Variants in NEK10 observed in about 807,000 individuals in gnomAD.
NEK10 encodes serine/threonine-protein kinase Nek10.
Under a neutral mutation model 159.8 loss-of-function variants are expected in NEK10, and 122 were observed. The ratio of observed to expected loss-of-function variants is 0.76; its 90% CI spans 0.66 to 0.89. The LOEUF (loss-of-function observed/expected upper bound fraction) is 0.89, where lower values mean the gene tolerates loss of function less well. Among genes scored for constraint, NEK10 ranks in the 40% least tolerant of loss-of-function variants. The pLI, the probability that NEK10 is intolerant of heterozygous loss-of-function variation, is 0.00. For missense variants in NEK10, 1,342 were observed against 1,323.1 expected, an observed-to-expected ratio of 1.01 and a Z score of -0.22; for synonymous variants, 466 against 457.1, an observed-to-expected ratio of 1.02 and a Z score of -0.25.
chr3:27,201,259 A>C (rs1049372186), intron 25 of NEK10, among the ~76,000 whole-genome samples: 4 of 152,200 alleles, frequency 2.6e-5, no homozygotes, highest in Admixed American at 1.3e-4. Flanking sequence ...AATGTGTTTT[A>C]CAGGTTGTTA....
intron 22 of NEK10, among the ~76,000 whole-genome samples, chr3:27,269,275 T>C (rs965908132): frequency 2.6e-5 from 4 of 152,214 alleles, no homozygotes; most frequent in African/African-American, 7.2e-5. Context: ...GACTCCAATT[T>C]TGAAAGAAGC....
chr3:27,345,093 T>G (rs1487626071), intron 4 of NEK10, among the ~76,000 whole-genome samples: 3 of 152,224 alleles, frequency 2.0e-5, no homozygotes, highest in Non-Finnish European at 4.4e-5. Flanking sequence ...TACAATATTT[T>G]TGTGCATAAT....
At chr3:27,120,950 G>T (rs1941221222) in intron 32 of NEK10, among the ~76,000 whole-genome samples, 1 of 152,100 alleles carries the variant, frequency 6.6e-6, no homozygotes, top group Admixed American at 6.5e-5. Flanking sequence ...ATAGTAGTTA[G>T]CTTGTATTCA....
intron 23 of NEK10, among the ~76,000 whole-genome samples, chr3:27,206,120 C>T (rs995984460): frequency 3.9e-5 from 6 of 152,330 alleles, no homozygotes; most frequent in Middle Eastern, 6.8e-3. Flanking sequence ...TTTCTAATAC[C>T]ATCACGTTGC....
At chr3:27,136,103 A>ATTTTTTTTT (rs775843715) in intron 31 of NEK10, among the ~76,000 whole-genome samples, 1 of 60,680 alleles carries the variant, frequency 1.6e-5, no homozygotes. Context: ...TAGGAGATCG[A>ATTTTTTTTT]TTTTTTTTTT....
In NEK10 at chr3:27,129,001, A is replaced by G. The variant is rs567395703; in HGVS notation, c.3081+2879T>C. Among the ~76,000 whole-genome samples the G allele has an allele frequency of 1.2e-4, 19 of 152,278 alleles. No individual in the cohort carries two copies. In the South Asian group the frequency reaches 3.7e-3, roughly 30 times the overall value. On this transcript the variant is annotated intron_variant, in intron 32 of 35. Transcript: ENST00000691995. ...AATAGATGAGATTTATCATGAACTC[A>G]TATTCATTCACACTGATACTTCCAA...
At chr3:27,259,840 C>T (rs1235218552) in intron 22 of NEK10, among the ~76,000 whole-genome samples, 2 of 152,074 alleles carry the variant, frequency 1.3e-5, no homozygotes, top group Admixed American at 6.6e-5. Flanking sequence ...ATTGATTCTT[C>T]CTACCCATGA....
At chr3:27,215,068 C>G (rs1042839343) in intron 23 of NEK10, 43 of 566,094 alleles carry the variant, frequency 7.6e-5, no homozygotes, top group Non-Finnish European at 1.1e-4. Context: ...GCTTCCCGCT[C>G]CAACCCCTGC....
chr3:27,194,048 G>T (rs1418393958), intron 25 of NEK10: 1 of 151,870 alleles, frequency 6.6e-6, no homozygotes, highest in East Asian at 1.9e-4. Flanking sequence ...GGATTCCCAG[G>T]AACATTTCCT....
chr3:27,197,846 T>C (rs983337918), intron 25 of NEK10, among the ~76,000 whole-genome samples: 2 of 152,036 alleles, frequency 1.3e-5, no homozygotes, highest in African/African-American at 4.8e-5. Context: ...GTGCACAACG[T>C]GCAGGTTAGT....
intron 31 of NEK10, among the ~76,000 whole-genome samples, chr3:27,137,763 G>GA (rs1167529525): frequency 1.3e-5 from 2 of 152,092 alleles, no homozygotes; most frequent in Non-Finnish European, 2.9e-5. Context: ...CATCGGGAAA[G>GA]AAAAAAGAAC....
At chr3:27,285,724 T>C (rs2042543466) in intron 20 of NEK10, among the ~76,000 whole-genome samples, 1 of 152,140 alleles carries the variant, frequency 6.6e-6, no homozygotes, top group African/African-American at 2.4e-5. Flanking sequence ...TTTTGAAACC[T>C]TGGGATGTAT....
chr3:27,348,954 T>G (rs1193609740), intron 3 of NEK10, among the ~76,000 whole-genome samples: 5 of 152,132 alleles, frequency 3.3e-5, no homozygotes, highest in Admixed American at 3.3e-4. Context: ...GTTCATCCAT[T>G]AATTCAGTGT....
At chr3:27,215,890 A>C (rs912333355) in intron 23 of NEK10, 2 of 702,104 alleles carry the variant, frequency 2.8e-6, no homozygotes, top group African/African-American at 3.5e-5. Flanking sequence ...ACTTTAAACA[A>C]CCAGATCACA....
At chr3:27,207,731 T>G (rs568808855) in intron 23 of NEK10, among the ~76,000 whole-genome samples, 22 of 152,142 alleles carry the variant, frequency 1.4e-4, no homozygotes, top group African/African-American at 5.3e-4. Context: ...CACACCTTCA[T>G]CTCCCGGGAG....
Position 27,110,106 on chromosome 3 carries a change from T to A in NEK10, c.*1166A>T, listed in dbSNP as rs190812965. On this transcript the variant is annotated 3_prime_UTR_variant, in exon 36 of 36. Coordinates refer to ENST00000691995, the MANE Select transcript of NEK10 (RefSeq NM_001394966.1). ...CATGAAAAGTAAATAAAAAGTATAA[T>A]TTCAACTTTCAGATTACTAATTATG... is the stretch of plus-strand genomic sequence containing the variant. 6.6e-5 allele frequency: 10 copies of A among 152,304 alleles called. No homozygotes were observed. The highest frequency in any genetic ancestry group is 6.5e-4 in the Admixed American group (10 of 15,296). 9.4% of individuals were successfully genotyped at this position (152,304 alleles called of 1,614,324 possible).
intron 25 of NEK10, among the ~76,000 whole-genome samples, chr3:27,196,299 G>A (rs1949551729): frequency 6.6e-6 from 1 of 152,170 alleles, no homozygotes; most frequent in African/African-American, 2.4e-5. Flanking sequence ...AGAGTTGTAA[G>A]CCCTTAAAAG....
chr3:27,215,843 G>C (rs1358104113), intron 23 of NEK10: 5 of 717,272 alleles, frequency 7.0e-6, no homozygotes, highest in African/African-American at 1.7e-5. Context: ...TATGTGGCCA[G>C]AGCAGGAGCA....
intron 25 of NEK10, among the ~76,000 whole-genome samples, chr3:27,196,456 G>A (rs1050515634): frequency 1.3e-5 from 2 of 152,106 alleles, no homozygotes; most frequent in African/African-American, 4.8e-5. Flanking sequence ...AATTACTACT[G>A]CTACCCACAC....
Sources: gnomAD v4.1 joint callset for allele counts (sites outside exome capture counted in the v4.1 genomes callset) on GRCh38, gnomAD v4.1.1 for gene constraint, MANE v1.5 for transcripts, NCBI Gene and HGNC (gene_info 2026-07-23, HGNC 2026-07-21) for gene names.